Variants in ADCY2 observed in about 807,000 individuals in gnomAD.
ADCY2 encodes adenylate cyclase 2.
A neutral mutation model predicts 125.2 loss-of-function variants in ADCY2; 31 were observed. The ratio of observed to expected loss-of-function variants is 0.25; its 90% CI spans 0.19 to 0.33. The LOEUF (loss-of-function observed/expected upper bound fraction) is 0.33. Ranked by LOEUF, ADCY2 falls within the 10% of genes least tolerant of loss-of-function variation. The pLI is 1.00. For synonymous variants in ADCY2, 512 were observed against 548.4 expected (o/e 0.93, Z 0.93); for missense variants, 904 against 1,418.2 (o/e 0.64, Z 5.82).
intron 1 of ADCY2, among the ~76,000 whole-genome samples, chr5:7,401,581 T>C (rs150239851): frequency 6.6e-6 from 1 of 152,366 alleles, no homozygotes; most frequent in Non-Finnish European, 1.5e-5. Context: ...TGCTTCCTCA[T>C]AATTAATTCA....
chr5:7,461,876 T>A (rs373568327), intron 2 of ADCY2, among the ~76,000 whole-genome samples: 1 of 152,218 alleles, frequency 6.6e-6, no homozygotes, highest in Non-Finnish European at 1.5e-5. Context: ...TCTGTTTAGA[T>A]CTCATATTTA....
At chr5:7,487,397 AT>A (rs1219062961) in intron 2 of ADCY2, among the ~76,000 whole-genome samples, 1 of 151,808 alleles carries the variant, frequency 6.6e-6, no homozygotes, top group Non-Finnish European at 1.5e-5. Context: ...ATAGCACACC[AT>A]TTTCCTTTTA....
At chr5:7,623,300 G>A (rs1738017313) in intron 3 of ADCY2, among the ~76,000 whole-genome samples, 1 of 152,172 alleles carries the variant, frequency 6.6e-6, no homozygotes, top group Non-Finnish European at 1.5e-5. Flanking sequence ...TATTATTTCA[G>A]CCACACCTAA....
intron 1 of ADCY2, among the ~76,000 whole-genome samples, chr5:7,413,615 G>A (rs937625036): frequency 6.8e-6 from 1 of 146,880 alleles, no homozygotes; most frequent in Admixed American, 6.7e-5. Flanking sequence ...TTTTTTAATA[G>A]AAGTGTCTGT....
intron 3 of ADCY2, among the ~76,000 whole-genome samples, chr5:7,621,267 C>G (rs553063133): frequency 6.6e-6 from 1 of 152,174 alleles, no homozygotes; most frequent in Non-Finnish European, 1.5e-5. Flanking sequence ...GATGCATGAG[C>G]TGAACCAGTA....
At chr5:7,434,264 C>T (rs1024260003) in intron 2 of ADCY2, among the ~76,000 whole-genome samples, 1 of 152,238 alleles carries the variant, frequency 6.6e-6, no homozygotes, top group South Asian at 2.1e-4. Flanking sequence ...AAAGGAATAA[C>T]CTAAATGGTA....
chr5:7,692,295 T>A (rs182085184), intron 5 of ADCY2: 15 of 152,282 alleles, frequency 9.9e-5, no homozygotes, highest in Admixed American at 4.6e-4. Context: ...CAAATCTCAT[T>A]TGACACCAGA....
chr5:7,628,668 G>C (rs1399017517), intron 4 of ADCY2, among the ~76,000 whole-genome samples: 3 of 152,152 alleles, frequency 2.0e-5, no homozygotes, highest in Non-Finnish European at 4.4e-5. Context: ...AGAGCATTTT[G>C]TCACAAGCGT....
intron 23 of ADCY2, 91 bp from the exon 24 acceptor site, chr5:7,820,474 A>T: frequency 1.3e-6 from 2 of 1,483,062 alleles, no homozygotes; most frequent in Non-Finnish European, 1.8e-6. Flanking sequence ...AGCCTGGGTG[A>T]CAGAATAAGA....
chr5:7,505,134 T>A (rs1281238025), intron 2 of ADCY2, among the ~76,000 whole-genome samples: 8 of 152,126 alleles, frequency 5.3e-5, no homozygotes, highest in Admixed American at 5.2e-4. Flanking sequence ...TTCTTCTACC[T>A]TGGCCTCCCA....
intron 3 of ADCY2, among the ~76,000 whole-genome samples, chr5:7,600,477 A>G (rs909937721): frequency 3.3e-5 from 5 of 152,210 alleles, no homozygotes; most frequent in African/African-American, 9.6e-5. Flanking sequence ...CTCAAGGCAC[A>G]AAGGCAAGGG....
At chr5:7,423,917 G>A (rs2126357518) in intron 2 of ADCY2, among the ~76,000 whole-genome samples, 1 of 152,312 alleles carries the variant, frequency 6.6e-6, no homozygotes, top group East Asian at 1.9e-4. Context: ...CACAGACTTT[G>A]TGATTCTCCT....
chr5:7,757,592 T>A lies in ADCY2; in HGVS notation c.2094+6T>A. The stretch of plus-strand genomic sequence containing the variant: ...TGATGGCCGTGTTCAACATGGTAAG[T>A]CCCAGAGCACGGCCGTGTTCAACAT... On this transcript the variant is annotated splice_donor_region_variant and intron_variant, in intron 16 of 24. Transcript: ENST00000338316. The A allele has an allele frequency of 1.5e-5, 23 of 1,545,592 alleles. 6 individuals carry two copies. Among genetic ancestry groups the A allele is most frequent in the Middle Eastern group, 3.6e-4 (2 of 5,572 alleles).
At chr5:7,760,656 G>A (rs1743167002) in intron 16 of ADCY2, among the ~76,000 whole-genome samples, 1 of 152,104 alleles carries the variant, frequency 6.6e-6, no homozygotes, top group Non-Finnish European at 1.5e-5. Flanking sequence ...AATTTCAGTT[G>A]TGGAACATGA....
intron 4 of ADCY2, among the ~76,000 whole-genome samples, chr5:7,684,747 C>T (rs1253482066): frequency 6.7e-6 from 1 of 148,382 alleles, no homozygotes; most frequent in Non-Finnish European, 1.5e-5. Flanking sequence ...GCTTCACTCC[C>T]TTGGAGCCAC....
Position 7,396,262 on chromosome 5 carries a change from G to T in ADCY2, c.-35G>T, listed in dbSNP as rs1027859674. 3 of 1,071,484 alleles carry T rather than the reference G, an allele frequency of 2.8e-6. No homozygotes were observed. The highest frequency in any genetic ancestry group is 6.2e-5 in the East Asian group (1 of 16,020). 66.4% of individuals were successfully genotyped at this position (1,071,484 alleles called of 1,614,324 possible). A position where few individuals can be genotyped will look rare whatever the true frequency, so the allele number is the denominator to read the frequency against. On this transcript the variant is annotated 5_prime_UTR_variant, in exon 1 of 25. Transcript: ENST00000338316. The surrounding 1 kb of genome is among the most constrained non-coding windows in gnomAD (Gnocchi z 5.7). ...CGCGGCGAGCGGCGCTGCCCGGGCC[G>T]GGCGCGCACGGCGGGCGCCCTGTGA...
At chr5:7,495,541 A>AT (rs990465419) in intron 2 of ADCY2, among the ~76,000 whole-genome samples, 6 of 152,194 alleles carry the variant, frequency 3.9e-5, no homozygotes, top group African/African-American at 1.4e-4. Flanking sequence ...GAGGATAGTT[A>AT]TTTTTGCACA....
chr5:7,414,192 G>T (rs1739844710), intron 1 of ADCY2, among the ~76,000 whole-genome samples: 1 of 152,210 alleles, frequency 6.6e-6, no homozygotes, highest in African/African-American at 2.4e-5. Context: ...TTGCAAGATA[G>T]TTTTCTAAGG....
chr5:7,601,700 C>T (rs1228196062), intron 3 of ADCY2, among the ~76,000 whole-genome samples: 2 of 152,188 alleles, frequency 1.3e-5, no homozygotes, highest in Non-Finnish European at 2.9e-5. Flanking sequence ...CCAGACCCTT[C>T]ATTCTTCTCT....
Sources: gnomAD v4.1 joint callset for allele counts (sites outside exome capture counted in the v4.1 genomes callset) on GRCh38, gnomAD v4.1.1 for gene constraint, Gnocchi (gnomAD v3.1) non-coding constraint, MANE v1.5 for transcripts, NCBI Gene and HGNC (gene_info 2026-07-23, HGNC 2026-07-21) for gene names.